The following ZBBX variants were observed in gnomAD, a reference collection of about 807,000 sequenced individuals.
The protein encoded by ZBBX is zinc finger B-box domain-containing protein 1.
ZBBX carries 101 observed loss-of-function variants against 108.5 expected under a neutral mutation model. That is an observed-to-expected ratio of 0.93 (90% CI 0.79 to 1.10). The LOEUF (loss-of-function observed/expected upper bound fraction) is 1.10, where lower values mean the gene tolerates loss of function less well. Ranked by LOEUF, ZBBX falls within the 50% of genes least tolerant of loss-of-function variation. The pLI is 0.00. For missense variants in ZBBX, 1,009 were observed against 941.4 expected (o/e 1.07, Z -0.94); for synonymous variants, 356 against 323.4 (o/e 1.10, Z -1.08).
At chr3:167,389,105 G>A (rs375920749) in intron 1 of ZBBX, among the ~76,000 whole-genome samples, 1 of 151,652 alleles carries the variant, frequency 6.6e-6, no homozygotes, top group African/African-American at 2.4e-5. Flanking sequence ...CTTAGGTATT[G>A]GTCCTAATGT....
At chr3:167,365,166 C>T (rs13094759) in intron 6 of ZBBX, among the ~76,000 whole-genome samples, 10,799 of 151,572 alleles carry the variant, frequency 0.071, 456 homozygotes, top group Admixed American at 0.11. Context: ...TTTCTCAAAG[C>T]CAAAAACTTT....
At chr3:167,261,643 C>G (rs1194527221) in intron 20 of ZBBX, among the ~76,000 whole-genome samples, 4 of 151,842 alleles carry the variant, frequency 2.6e-5, no homozygotes, top group Admixed American at 2.6e-4. Flanking sequence ...TCATCCAGCT[C>G]CCACACAAAC....
the ZBBX span, among the ~76,000 whole-genome samples, chr3:167,214,095 C>T: frequency 6.6e-6 from 1 of 152,072 alleles, no homozygotes; most frequent in Non-Finnish European, 1.5e-5. Flanking sequence ...CTTCAACACA[C>T]AGACTAGTGT....
At chr3:167,282,588 A>G in intron 19 of ZBBX, 93 bp from the exon 20 acceptor site, 1 of 1,080,804 alleles carries the variant, frequency 9.3e-7, no homozygotes, top group Non-Finnish European at 1.3e-6. Flanking sequence ...CACACAGAGA[A>G]GTTAAGTTCA....
chr3:167,351,591 G>T (rs1742655314), intron 8 of ZBBX, among the ~76,000 whole-genome samples: 1 of 152,128 alleles, frequency 6.6e-6, no homozygotes, highest in Non-Finnish European at 1.5e-5. Flanking sequence ...ACTATGGAGA[G>T]ATCTAGGAGC....
intron 1 of ZBBX, among the ~76,000 whole-genome samples, chr3:167,390,700 C>T (rs1748060486): frequency 6.6e-6 from 1 of 151,952 alleles, no homozygotes; most frequent in Admixed American, 6.6e-5. Context: ...TGAAGAGGTC[C>T]TTCACATCCC....
At chr3:167,345,365 C>T (rs930097536) in intron 9 of ZBBX, among the ~76,000 whole-genome samples, 62 of 151,778 alleles carry the variant, frequency 4.1e-4, no homozygotes, top group African/African-American at 1.5e-3. Flanking sequence ...AATGAACATG[C>T]ACTTGTAGTA....
At chr3:167,258,970 G>A (rs1014166826) in intron 20 of ZBBX, among the ~76,000 whole-genome samples, 3 of 152,068 alleles carry the variant, frequency 2.0e-5, no homozygotes, top group African/African-American at 7.2e-5. Context: ...TTGGTATTAG[G>A]GTGATGCTGG....
chr3:167,366,969 TA>T lies in ZBBX; in HGVS notation c.183-994del, dbSNP rs1249441013. On this transcript the variant is annotated intron_variant, in intron 5 of 21. Coordinates refer to ENST00000675490, the MANE Select transcript of ZBBX (RefSeq NM_001199201.2). ...AGATGCTCTGATTAAACCAATGCTCTATTAGAGGGGGTATGTATATAAGTTA... is the reference window on the plus strand; with the variant it reads ...AGATGCTCTGATTAAACCAATGCTCTTTAGAGGGGGTATGTATATAAGTTA... 50 of 454,862 alleles carry T rather than the reference TA, an allele frequency of 1.1e-4. No homozygotes were observed. The Admixed American group carries it at 1.2e-3, about 11-fold the overall frequency. 28.2% of individuals were successfully genotyped at this position (454,862 alleles called of 1,614,324 possible).
At chr3:167,270,989 G>A (rs754845843) in intron 20 of ZBBX, among the ~76,000 whole-genome samples, 2 of 152,188 alleles carry the variant, frequency 1.3e-5, no homozygotes, top group East Asian at 3.9e-4. Context: ...TTCCTCCTGG[G>A]TGATTGAGGG....
intron 20 of ZBBX, among the ~76,000 whole-genome samples, chr3:167,273,254 A>T (rs1576843000): frequency 6.6e-6 from 1 of 152,188 alleles, no homozygotes; most frequent in East Asian, 1.9e-4. Flanking sequence ...CCTGGTTGGA[A>T]TGGATCAAAT....
the ZBBX span, among the ~76,000 whole-genome samples, chr3:167,179,735 TAAG>T: frequency 3.3e-5 from 5 of 152,198 alleles, no homozygotes; most frequent in Admixed American, 6.5e-5. Context: ...TGAGCCAGAA[TAAG>T]AAGTTTTACC....
intron 8 of ZBBX, among the ~76,000 whole-genome samples, chr3:167,356,087 GT>G (rs1743526489): frequency 6.6e-6 from 1 of 152,062 alleles, no homozygotes; most frequent in South Asian, 2.1e-4. Context: ...CAGAGTAGGA[GT>G]CACAAAAAAT....
At chr3:167,282,545 G>T in intron 19 of ZBBX, 50 bp from the exon 20 acceptor site, 2 of 1,489,102 alleles carry the variant, frequency 1.3e-6, no homozygotes, top group South Asian at 1.2e-5. Flanking sequence ...AAATTTGAAT[G>T]AGTACTTAAA....
chr3:167,200,771 T>TC, the ZBBX span, among the ~76,000 whole-genome samples: 1 of 152,142 alleles, frequency 6.6e-6, no homozygotes, highest in Non-Finnish European at 1.5e-5. Flanking sequence ...GAGGATGACA[T>TC]CTCCCAAATA....
At chr3:167,263,407 G>A (rs1724927639) in intron 20 of ZBBX, among the ~76,000 whole-genome samples, 2 of 152,010 alleles carry the variant, frequency 1.3e-5, no homozygotes, top group African/African-American at 2.4e-5. Flanking sequence ...TATCCTATAG[G>A]TTTTGGTATA....
intron 1 of ZBBX, among the ~76,000 whole-genome samples, chr3:167,391,297 A>G (rs552049119): frequency 4.4e-4 from 67 of 151,612 alleles, no homozygotes; most frequent in Non-Finnish European, 7.4e-4. Context: ...TTATTGATTT[A>G]TATATGTTGA....
intron 20 of ZBBX, among the ~76,000 whole-genome samples, chr3:167,257,528 T>A (rs1723735824): frequency 6.6e-6 from 1 of 152,186 alleles, no homozygotes; most frequent in Non-Finnish European, 1.5e-5. Context: ...TGTGGGTCTA[T>A]CATAGATGGC....
chr3:167,342,996 C>A (rs1488767616), intron 9 of ZBBX, among the ~76,000 whole-genome samples: 1 of 151,770 alleles, frequency 6.6e-6, no homozygotes, highest in Admixed American at 6.6e-5. Context: ...GCCCTCAACA[C>A]AAAATTAATC....
Sources: gnomAD v4.1 joint callset for allele counts (sites outside exome capture counted in the v4.1 genomes callset) on GRCh38, gnomAD v4.1.1 for gene constraint, MANE v1.5 for transcripts, NCBI Gene and HGNC (gene_info 2026-07-23, HGNC 2026-07-21) for gene names.